The following RBFOX1 variants were observed in gnomAD, a reference collection of about 807,000 sequenced individuals.
RBFOX1 encodes the protein RNA binding fox-1 homolog 1.
Under a neutral mutation model 57.7 loss-of-function variants are expected in RBFOX1, and 8 were observed. The ratio of observed to expected loss-of-function variants is 0.14; its 90% CI spans 0.08 to 0.25. The LOEUF (loss-of-function observed/expected upper bound fraction) is 0.25. Among genes scored for constraint, RBFOX1 ranks in the 10% least tolerant of loss-of-function variants. The probability of loss-of-function intolerance (pLI) is 1.00; values close to 1 mark genes in which losing one functional copy is unlikely to be tolerated. For synonymous variants in RBFOX1, 326 were observed against 222.4 expected (o/e 1.47, Z -4.15); for missense variants, 611 against 548.5 (o/e 1.11, Z -1.14).
At chr16:5,733,889 C>A (rs1262356995) in intron 3 of RBFOX1, among the ~76,000 whole-genome samples, 1 of 152,044 alleles carries the variant, frequency 6.6e-6, no homozygotes, top group Non-Finnish European at 1.5e-5. Flanking sequence ...CTCTCCAAGG[C>A]TGCTGAGGAC....
At chr16:5,242,919 C>G (rs561696659) in intron 1 of RBFOX1, among the ~76,000 whole-genome samples, 2 of 148,196 alleles carry the variant, frequency 1.3e-5, no homozygotes, top group African/African-American at 2.5e-5. Flanking sequence ...GCAGATAAAT[C>G]GGGCCCCCAG....
intron 3 of RBFOX1, among the ~76,000 whole-genome samples, chr16:6,784,694 ATT>A (rs36025472): frequency 6.9e-5 from 10 of 145,980 alleles, no homozygotes; most frequent in Admixed American, 2.1e-4. Context: ...TTAATGTCTG[ATT>A]TTTTTTTTTT....
chr16:6,927,968 A>G (rs887163637), intron 3 of RBFOX1, among the ~76,000 whole-genome samples: 1 of 152,344 alleles, frequency 6.6e-6, no homozygotes, highest in African/African-American at 2.4e-5. Context: ...GCATCTCCGT[A>G]AAGTTTCCCA....
chr16:6,984,161 T>G (rs1177395631), intron 3 of RBFOX1, among the ~76,000 whole-genome samples: 1 of 152,050 alleles, frequency 6.6e-6, no homozygotes, highest in African/African-American at 2.4e-5. Flanking sequence ...GCAGGACAAT[T>G]GCTTGAACCC....
At chr16:6,454,629 A>G (rs1322366404) in intron 2 of RBFOX1, among the ~76,000 whole-genome samples, 1 of 152,168 alleles carries the variant, frequency 6.6e-6, no homozygotes, top group Non-Finnish European at 1.5e-5. Context: ...GTTATTTACT[A>G]ATACTGAATA....
chr16:6,541,999 T>C (rs1339455272), intron 2 of RBFOX1, among the ~76,000 whole-genome samples: 1 of 151,804 alleles, frequency 6.6e-6, no homozygotes, highest in African/African-American at 2.4e-5. Flanking sequence ...CTTGCTGGAG[T>C]GCAGTAGAAT....
At position 5,807,561 on chromosome 16, in the gene RBFOX1, TC is replaced by T. The variant is rs574099373; in HGVS notation, c.319-59741del. Among the ~76,000 whole-genome samples, 455 of 152,322 alleles carry T rather than the reference TC, an allele frequency of 3.0e-3. 5 individuals are homozygous for T. Among genetic ancestry groups the T allele is most frequent in the African/African-American group, 0.01 (433 of 41,572 alleles). On this transcript the variant is annotated intron_variant, in intron 3 of 19. Transcript: ENST00000641259. ...TTTGCTAATAGGGCTCATTATAGCCTCGTTATAACTTAATTGCATAGGTAAC... is the reference window on the plus strand; with the variant it reads ...TTTGCTAATAGGGCTCATTATAGCCTGTTATAACTTAATTGCATAGGTAAC...
In RBFOX1 at chr16:7,403,114, A is replaced by G. The variant is rs139446767; in HGVS notation, c.28-115033A>G. Among the ~76,000 whole-genome samples the G allele has an allele frequency of 1.2e-3, 184 of 152,322 alleles. 1 individual carries two copies. Among genetic ancestry groups the G allele is most frequent in the African/African-American group, 4.2e-3 (175 of 41,582 alleles). On this transcript the variant is annotated intron_variant, in intron 4 of 15. Coordinates refer to ENST00000550418, the MANE Select transcript of RBFOX1 (RefSeq NM_018723.4). ...CGGCTCTATGGGGGTACAATTAACA[A>G]ATATAAATTATGTACATTTAAGGTA...
At chr16:7,683,333 GAC>G (rs1279939743) in intron 14 of RBFOX1, among the ~76,000 whole-genome samples, 3 of 151,612 alleles carry the variant, frequency 2.0e-5, no homozygotes, top group African/African-American at 7.3e-5. Flanking sequence ...CACAGAGACA[GAC>G]AGACAGACAC....
intron 14 of RBFOX1, among the ~76,000 whole-genome samples, chr16:7,698,599 G>T (rs780520932): frequency 1.3e-5 from 2 of 152,030 alleles, no homozygotes; most frequent in Non-Finnish European, 2.9e-5. Context: ...TTCCCAATTG[G>T]CCATTCCTCT....
chr16:5,622,893 C>G (rs542146406), intron 3 of RBFOX1, among the ~76,000 whole-genome samples: 1 of 152,192 alleles, frequency 6.6e-6, no homozygotes, highest in South Asian at 2.1e-4. Flanking sequence ...CTTATTGTTT[C>G]CTAAACAACA....
At chr16:7,328,362 C>T (rs954242318) in intron 4 of RBFOX1, among the ~76,000 whole-genome samples, 27 of 151,494 alleles carry the variant, frequency 1.8e-4, no homozygotes, top group Non-Finnish European at 2.9e-4. Context: ...TCCCTGTAAT[C>T]CCAGCTACTC....
intron 3 of RBFOX1, among the ~76,000 whole-genome samples, chr16:5,665,765 GC>G (rs1366376118): frequency 6.6e-6 from 1 of 152,190 alleles, no homozygotes; most frequent in Non-Finnish European, 1.5e-5. Context: ...AGTCCCTCAG[GC>G]CCTCACAGGG....
At chr16:5,955,834 T>C (rs1344641368) in intron 4 of RBFOX1, among the ~76,000 whole-genome samples, 1 of 152,178 alleles carries the variant, frequency 6.6e-6, no homozygotes, top group Non-Finnish European at 1.5e-5. Flanking sequence ...ATATATGACA[T>C]GTTAATGTAG....
In RBFOX1 at chr16:7,271,847, G is replaced by A. The variant is rs931754073; in HGVS notation, c.27+219749G>A. Among the ~76,000 whole-genome samples the A allele has an allele frequency of 7.2e-5, 11 of 152,106 alleles. No homozygotes were observed. The South Asian group carries it at 1.2e-3, about 17-fold the overall frequency. On this transcript the variant is annotated intron_variant, in intron 4 of 15. Coordinates refer to ENST00000550418, the MANE Select transcript of RBFOX1 (RefSeq NM_018723.4). Reference sequence around the variant, plus strand: ...AAAAAAAAAAAATCTCAAAGCTATGGCCAAGGCAGAGGCTTCCTCACAGCC... The same window carrying A: ...AAAAAAAAAAAATCTCAAAGCTATGACCAAGGCAGAGGCTTCCTCACAGCC...
In RBFOX1 at chr16:5,525,491, ATTTTTTTTT is replaced by A. The variant is rs71404528; in HGVS notation, c.258+58253_258+58261del. Among the ~76,000 whole-genome samples, 15 of 78,272 alleles carry A rather than the reference ATTTTTTTTT, an allele frequency of 1.9e-4. No homozygotes were observed. In the East Asian group the frequency reaches 4.4e-3, roughly 23 times the overall value. The allele number at this position is 78,272 out of a possible 152,430, so 51.3% of individuals were successfully genotyped here. Reference sequence around the variant, plus strand: ...ATAGGCTGGCTCTAGAGCCGACACTATTTTTTTTTTTTTTTTTTTTTTTTGAGACAGAGT... The same window carrying A: ...ATAGGCTGGCTCTAGAGCCGACACTATTTTTTTTTTTTTTTGAGACAGAGT... On this transcript the variant is annotated intron_variant, in intron 2 of 2. Transcript: ENST00000585867.
intron 3 of RBFOX1, among the ~76,000 whole-genome samples, chr16:5,793,703 T>C (rs1401376482): frequency 6.6e-6 from 1 of 152,232 alleles, no homozygotes. Flanking sequence ...TGGGAGACTT[T>C]CCAGGCTGGG....
chr16:6,637,987 A>G (rs951529725), intron 2 of RBFOX1, among the ~76,000 whole-genome samples: 3 of 152,096 alleles, frequency 2.0e-5, no homozygotes, highest in Non-Finnish European at 4.4e-5. Flanking sequence ...CCCAACATTT[A>G]GTTTTTTATC....
chr16:7,385,412 T>A (rs1482650668), intron 4 of RBFOX1, among the ~76,000 whole-genome samples: 1 of 151,990 alleles, frequency 6.6e-6, no homozygotes, highest in Non-Finnish European at 1.5e-5. Context: ...GAAAACCCAG[T>A]GGAGGTGAAG....
Sources: gnomAD v4.1 joint callset for allele counts (sites outside exome capture counted in the v4.1 genomes callset) on GRCh38, gnomAD v4.1.1 for gene constraint, MANE v1.5 for transcripts, NCBI Gene and HGNC (gene_info 2026-07-23, HGNC 2026-07-21) for gene names.